Variants in UBXN11 observed in about 807,000 individuals in gnomAD.
The protein encoded by UBXN11 is UBX domain-containing protein 11.
Under a neutral mutation model 62.8 loss-of-function variants are expected in UBXN11, and 47 were observed. The ratio of observed to expected loss-of-function variants is 0.75; its 90% confidence interval spans 0.59 to 0.95. The LOEUF (loss-of-function observed/expected upper bound fraction) is 0.95. UBXN11 is among the 40% of genes least tolerant of loss of function. UBXN11 has a pLI of 0.00. For synonymous variants in UBXN11, 294 were observed against 267.0 expected, an observed-to-expected ratio of 1.10 and a Z score of -0.99; for missense variants, 638 against 661.7, an observed-to-expected ratio of 0.96 and a Z score of 0.39.
chr1:26,314,162 G>A (rs2073769363), intron 1 of UBXN11, among the ~76,000 whole-genome samples: 1 of 152,164 alleles, frequency 6.6e-6, no homozygotes, highest in Non-Finnish European at 1.5e-5. Flanking sequence ...AGTAAGCATA[G>A]TTATTTGAAA....
chr1:26,285,713 G>A (rs772394511), intron 9 of UBXN11, 110 bp downstream of exon 9: 18 of 1,428,104 alleles, frequency 1.3e-5, no homozygotes, highest in Middle Eastern at 5.1e-4. Flanking sequence ...TGTGGGCCTG[G>A]GTGCCCCGTG....
At chr1:26,298,189 T>C (rs1306848921) in intron 4 of UBXN11, 127 bp from the exon 5 acceptor site, 5 of 895,944 alleles carry the variant, frequency 5.6e-6, no homozygotes, top group Admixed American at 4.2e-5. Flanking sequence ...ACTGGCATCA[T>C]AGGAACTGTT....
Position 26,285,298 on chromosome 1 carries a change from C to G in UBXN11, c.852+166G>C, listed in dbSNP as rs899777677. On this transcript the variant is annotated intron_variant, in intron 10 of 14. Coordinates refer to ENST00000374222, the MANE Select transcript of UBXN11 (RefSeq NM_001389556.1). ...TGCTGCTCTGTTTCGGGCCTCTCCG[C>G]TCCCTTCCCAGCCCGGCTTCAGACT... 12 of 1,440,372 alleles carry G rather than the reference C, an allele frequency of 8.3e-6. No homozygotes were observed. In the African/African-American group the frequency reaches 1.6e-4, roughly 19 times the overall value. 89.2% of individuals were successfully genotyped at this position (1,440,372 alleles called of 1,614,324 possible).
chr1:26,297,362 G>T, intron 6 of UBXN11, 65 bp downstream of exon 6: 1 of 1,456,572 alleles, frequency 6.9e-7, no homozygotes. Context: ...GAAGCTTCCA[G>T]GAGCCCTGGG....
intron 11 of UBXN11, 38 bp from the exon 12 acceptor site, chr1:26,284,283 T>C (rs904847962): frequency 6.2e-7 from 1 of 1,609,398 alleles, no homozygotes; most frequent in Admixed American, 1.7e-5. Context: ...CAGGAAGGAC[T>C]ATGAGTGGTG....
chr1:26,291,031 G>A (rs1456765871), intron 8 of UBXN11, among the ~76,000 whole-genome samples: 1 of 152,150 alleles, frequency 6.6e-6, no homozygotes, highest in African/African-American at 2.4e-5. Context: ...TCCAGCCTGA[G>A]GCCAAGCCCC....
chr1:26,285,046 C>T (rs899748869), intron 10 of UBXN11: 4 of 1,013,284 alleles, frequency 3.9e-6, no homozygotes, highest in Non-Finnish European at 4.7e-6. Context: ...ATGGGGCCAG[C>T]TCTACCTCAT....
chr1:26,317,653 G>A lies in UBXN11; in HGVS notation c.-149+394C>T, dbSNP rs367594963. On this transcript the variant is annotated intron_variant, in intron 1 of 14. Coordinates refer to the UBXN11 transcript ENST00000374217. ...AAAGGGTCAGAGAGGTAGAGTTTCTGGCCCAGGGTCTCAGAGCTGGTCAGT... is the reference window on the plus strand; with the variant it reads ...AAAGGGTCAGAGAGGTAGAGTTTCTAGCCCAGGGTCTCAGAGCTGGTCAGT... 1.1e-4 allele frequency among the ~76,000 whole-genome samples: 16 copies of A among 152,216 alleles called. No individual in the cohort carries two copies. In the East Asian group the frequency reaches 3.1e-3, roughly 29 times the overall value.
chr1:26,284,266 C>T (rs375787743), intron 11 of UBXN11, 21 bp from the exon 12 acceptor site: 42 of 1,606,754 alleles, frequency 2.6e-5, no homozygotes, highest in African/African-American at 6.7e-5. Context: ...AGTTGGGAAC[C>T]GGGGCCCAGG....
intron 1 of UBXN11, among the ~76,000 whole-genome samples, chr1:26,313,005 G>GTT (rs2073759167): frequency 2.2e-5 from 1 of 45,018 alleles, no homozygotes; most frequent in African/African-American, 8.1e-5. Context: ...AAAAAAAAAA[G>GTT]AGTGAATGAG....
chr1:26,314,079 C>T (rs1037993120), intron 1 of UBXN11, among the ~76,000 whole-genome samples: 13 of 152,112 alleles, frequency 8.5e-5, no homozygotes, highest in Admixed American at 4.6e-4. Flanking sequence ...CGCGCCCGGC[C>T]GGTTCTTTAC....
At chr1:26,283,140 G>A (rs1266946682) in intron 12 of UBXN11, among the ~76,000 whole-genome samples, 1 of 152,062 alleles carries the variant, frequency 6.6e-6, no homozygotes, top group Non-Finnish European at 1.5e-5. Context: ...GTTCCCCCCA[G>A]GTAACCCCCC....
chr1:26,297,459 TCTAGGGCCG>T lies in UBXN11; in HGVS notation c.314_322del (p.Ala105_Leu107del). Reference sequence around the variant, plus strand: ...TGGCCGGAGGGTCTGCACCAGGTCCTCTAGGGCCGCTATCTTCTGATCCTGTAGCATAAG... The same window carrying T: ...TGGCCGGAGGGTCTGCACCAGGTCCTCTATCTTCTGATCCTGTAGCATAAG... On this transcript the variant is annotated inframe_deletion, in exon 6 of 15. Coordinates refer to ENST00000374222, the MANE Select transcript of UBXN11 (RefSeq NM_001389556.1). 1 of 1,556,352 alleles carries T rather than the reference TCTAGGGCCG, an allele frequency of 6.4e-7. No individual in the cohort carries two copies. Among genetic ancestry groups the T allele is most frequent in the Non-Finnish European group, 8.7e-7 (1 of 1,149,628 alleles).
upstream of UBXN11, among the ~76,000 whole-genome samples, chr1:26,309,441 T>C (rs1198930796): frequency 2.6e-5 from 4 of 151,742 alleles, no homozygotes; most frequent in South Asian, 2.1e-4. Flanking sequence ...GGTTTCACCA[T>C]GCTGGCCAGG....
chr1:26,290,847 G>T (rs6686100), intron 8 of UBXN11, among the ~76,000 whole-genome samples: 2 of 151,448 alleles, frequency 1.3e-5, no homozygotes, highest in Non-Finnish European at 2.9e-5. Flanking sequence ...TGCAGAGGGT[G>T]GGGGGGAAGG....
At chr1:26,287,134 C>A (rs1207459411) in intron 8 of UBXN11, among the ~76,000 whole-genome samples, 1 of 152,082 alleles carries the variant, frequency 6.6e-6, no homozygotes, top group African/African-American at 2.4e-5. Context: ...TCTGTTTCCC[C>A]CACCCATCTG....
intron 7 of UBXN11, 144 bp downstream of exon 7, chr1:26,296,775 A>G: frequency 1.2e-6 from 1 of 808,396 alleles, no homozygotes; most frequent in South Asian, 1.8e-5. Context: ...AGTCCTGGGT[A>G]GGGAAATGCA....
chr1:26,291,441 A>G lies in UBXN11; in HGVS notation c.559+2764T>C, dbSNP rs557342076. On this transcript the variant is annotated intron_variant, in intron 8 of 14. Coordinates refer to ENST00000374222, the MANE Select transcript of UBXN11 (RefSeq NM_001389556.1). ...GCACGGAGGGACCACAGATATGGCC[A>G]GGGCCTCCAAGATGGAGGGCAGGGT... 3.9e-5 allele frequency among the ~76,000 whole-genome samples: 6 copies of G among 152,346 alleles called. No individual in the cohort carries two copies. In the East Asian group the frequency reaches 1.2e-3, roughly 29 times the overall value.
intron 1 of UBXN11, among the ~76,000 whole-genome samples, chr1:26,305,083 C>T (rs2073632287): frequency 6.6e-6 from 1 of 152,056 alleles, no homozygotes; most frequent in African/African-American, 2.4e-5. Flanking sequence ...TATCCTTCAC[C>T]CAGCTCCCCT....
Sources: gnomAD v4.1 joint callset for allele counts (sites outside exome capture counted in the v4.1 genomes callset) on GRCh38, gnomAD v4.1.1 for gene constraint, MANE v1.5 for transcripts, NCBI Gene and HGNC (gene_info 2026-07-23, HGNC 2026-07-21) for gene names.